RMDN2: variants seen among roughly 807,000 people sequenced by gnomAD.
The protein encoded by RMDN2 is regulator of microtubule dynamics 2, also known as regulator of microtubule dynamics protein 2.
A neutral mutation model predicts 52.8 loss-of-function variants in RMDN2; 61 were observed. That is an observed-to-expected ratio of 1.16 (90% CI 0.94 to 1.43). The LOEUF (loss-of-function observed/expected upper bound fraction) is 1.43, where lower values mean the gene tolerates loss of function less well. Among genes scored for constraint, RMDN2 ranks in the 40% most tolerant of loss-of-function variants. The pLI is 0.00. For missense variants in RMDN2, 592 were observed against 475.3 expected (o/e 1.25, Z -2.28); for synonymous variants, 180 against 153.1 (o/e 1.18, Z -1.30).
At chr2:37,991,459 G>A (rs1465461761) in intron 7 of RMDN2, among the ~76,000 whole-genome samples, 162 bp downstream of exon 7, 1 of 151,516 alleles carries the variant, frequency 6.6e-6, no homozygotes, top group Admixed American at 6.6e-5. Context: ...TGTTAAAATT[G>A]TATCTGAATT....
intron 7 of RMDN2, among the ~76,000 whole-genome samples, chr2:37,996,104 T>G (rs1675498911): frequency 6.6e-6 from 1 of 152,168 alleles, no homozygotes; most frequent in South Asian, 2.1e-4. Context: ...TTTCAGTTAT[T>G]TAAATGACTG....
intron 2 of RMDN2, among the ~76,000 whole-genome samples, chr2:37,941,985 C>G (rs1232598794): frequency 2.0e-5 from 3 of 152,006 alleles, no homozygotes; most frequent in African/African-American, 4.8e-5. Context: ...CGGTATCTGC[C>G]CAAACAGCTG....
chr2:37,944,461 C>T (rs549364562), intron 2 of RMDN2, among the ~76,000 whole-genome samples: 1 of 152,176 alleles, frequency 6.6e-6, no homozygotes, highest in Admixed American at 6.5e-5. Context: ...ACTTTATTTA[C>T]AAAAACAGGT....
intron 10 of RMDN2, among the ~76,000 whole-genome samples, chr2:38,040,437 C>G (rs1259914370): frequency 1.3e-5 from 2 of 152,104 alleles, no homozygotes; most frequent in African/African-American, 4.8e-5. Flanking sequence ...CTTATAAAAG[C>G]AAGCTCCCTT....
intron 10 of RMDN2, among the ~76,000 whole-genome samples, chr2:38,056,652 A>G (rs1057253976): frequency 1.3e-5 from 2 of 152,200 alleles, no homozygotes; most frequent in Admixed American, 1.3e-4. Flanking sequence ...AGGGTGTCCC[A>G]TGTGACTAGA....
intron 6 of RMDN2, 64 bp from the exon 7 acceptor site, chr2:37,991,156 G>A (rs1674737843): frequency 2.3e-6 from 2 of 863,586 alleles, no homozygotes; most frequent in Non-Finnish European, 3.7e-6. Context: ...CTAGGCTTTG[G>A]TGTAGTTCCA....
chr2:38,004,153 G>A lies in RMDN2; in HGVS notation c.1116G>A (p.Glu372=), dbSNP rs369172136. 33 of 1,613,624 alleles carry A rather than the reference G, an allele frequency of 2.0e-5. No homozygotes were observed. The African/African-American group carries it at 3.2e-4, about 16-fold the overall frequency. Residue 372 remains glutamate (E), a synonymous_variant, in exon 10 of 11, where the codon GAG becomes GAA. Transcript: ENST00000354545. The part of the protein sequence containing the change: ...MYLAKCYTDL[E]ENQNALKFCN... ...ATTTCCAGTGTTATACTGATCTTGAGGAAAACCAGAATGCTTTGAAGTTCT... is the reference window on the plus strand; with the variant it reads ...ATTTCCAGTGTTATACTGATCTTGAAGAAAACCAGAATGCTTTGAAGTTCT...
rs908738217 is a variant in RMDN2, at chr2:38,017,568, T to C, written c.*329T>C. ...TGAATTCTCATGAATATTTTATTGT[T>C]TCAATGGAGACTTCGTAAGACAAAA... On this transcript the variant is annotated 3_prime_UTR_variant, in exon 11 of 11. Coordinates refer to ENST00000354545, the MANE Select transcript of RMDN2 (RefSeq NM_001170791.3). The C allele has an allele frequency of 2.5e-6, 3 of 1,218,598 alleles. No individual in the cohort carries two copies. The Admixed American group carries it at 8.1e-5, about 33-fold the overall frequency. The allele number at this position is 1,218,598 out of a possible 1,614,324, so 75.5% of individuals were successfully genotyped here.
Position 37,995,976 on chromosome 2 carries a change from G to A in RMDN2, c.946-1440G>A, listed in dbSNP as rs115239687. On this transcript the variant is annotated intron_variant, in intron 7 of 10. Transcript: ENST00000354545. ...GATTGCTGTGGAAACATAAATCAGC[G>A]CGACTACCTTGGGAACCATTGATTA... is the stretch of plus-strand genomic sequence containing the variant. 9.6e-3 allele frequency among the ~76,000 whole-genome samples: 1,467 copies of A among 152,258 alleles called. 26 individuals carry two copies. The highest frequency in any genetic ancestry group is 0.033 in the African/African-American group (1,383 of 41,544).
At chr2:38,061,646 C>CATACACACAT (rs1553393408) in intron 10 of RMDN2, among the ~76,000 whole-genome samples, 1 of 149,828 alleles carries the variant, frequency 6.7e-6, no homozygotes, top group Non-Finnish European at 1.5e-5. Flanking sequence ...CACACACACA[C>CATACACACAT]ACACACATAC....
At chr2:38,020,891 TGCG>T (rs1256358711), downstream of RMDN2, among the ~76,000 whole-genome samples, 1 of 151,312 alleles carries the variant, frequency 6.6e-6, no homozygotes, top group Non-Finnish European at 1.5e-5. Flanking sequence ...GGCTGAGGAG[TGCG>T]GCGCACGGTA....
chr2:37,939,338 G>A (rs189127652), intron 2 of RMDN2, among the ~76,000 whole-genome samples: 3 of 152,224 alleles, frequency 2.0e-5, no homozygotes, highest in Non-Finnish European at 2.9e-5. Context: ...GAATAAGTGC[G>A]GTGTGGTGCT....
chr2:37,950,324 A>C (rs1668618253), intron 2 of RMDN2: 2 of 828,054 alleles, frequency 2.4e-6, no homozygotes, highest in Non-Finnish European at 3.7e-6. Flanking sequence ...TCCAACAGTG[A>C]AGGTAGAAAC....
intron 7 of RMDN2, among the ~76,000 whole-genome samples, chr2:37,992,106 C>G (rs779617749): frequency 6.6e-6 from 1 of 152,162 alleles, no homozygotes; most frequent in Non-Finnish European, 1.5e-5. Flanking sequence ...TGCTGCATTT[C>G]ATCCTTAAAA....
At chr2:38,048,403 C>T (rs944582206) in intron 10 of RMDN2, among the ~76,000 whole-genome samples, 20 of 152,294 alleles carry the variant, frequency 1.3e-4, no homozygotes, top group Admixed American at 2.6e-4. Context: ...GTCCCCATTC[C>T]CTGACTCCTC....
chr2:38,062,779 C>CCCCCCCCCCG (rs375545948), intron 10 of RMDN2, among the ~76,000 whole-genome samples: 1 of 136,498 alleles, frequency 7.3e-6, no homozygotes, highest in Non-Finnish European at 1.6e-5. Flanking sequence ...TCCCCCCCCC[C>CCCCCCCCCCG]ACAACAGTCC....
intron 7 of RMDN2, among the ~76,000 whole-genome samples, chr2:37,995,322 G>GACT (rs3056282): frequency 0.2 from 29,109 of 147,094 alleles, 3,319 homozygotes; most frequent in East Asian, 0.56. Flanking sequence ...AAGAGGGGAT[G>GACT]ACTACTACTA....
At chr2:37,929,061 A>G in intron 1 of RMDN2, 1 of 429,784 alleles carries the variant, frequency 2.3e-6, no homozygotes, top group South Asian at 3.5e-5. Flanking sequence ...CTTTAACTTA[A>G]TATGATAATT....
chr2:37,948,302 C>A (rs1215266303), intron 2 of RMDN2, among the ~76,000 whole-genome samples: 1 of 152,190 alleles, frequency 6.6e-6, no homozygotes, highest in Non-Finnish European at 1.5e-5. Context: ...CTAACATCCA[C>A]ATGAGCAATC....
Sources: gnomAD v4.1 joint callset for allele counts (sites outside exome capture counted in the v4.1 genomes callset) on GRCh38, gnomAD v4.1.1 for gene constraint, MANE v1.5 for transcripts, NCBI Gene and HGNC (gene_info 2026-07-23, HGNC 2026-07-21) for gene names.